Variants in AAAS observed in about 807,000 individuals in gnomAD.
The protein encoded by AAAS is aladin WD repeat nucleoporin.
In AAAS, 60 loss-of-function variants were observed where a neutral mutation model predicts 75.6. That is an observed-to-expected ratio of 0.79 (90% CI 0.64 to 0.98). The LOEUF (loss-of-function observed/expected upper bound fraction) is 0.98. Among genes scored for constraint, AAAS ranks in the 50% least tolerant of loss-of-function variants. The probability of loss-of-function intolerance (pLI) is 0.00; values close to 1 mark genes in which losing one functional copy is unlikely to be tolerated. For synonymous variants in AAAS, 271 were observed against 265.0 expected, an observed-to-expected ratio of 1.02 and a Z score of -0.22; for missense variants, 658 against 686.9, an observed-to-expected ratio of 0.96 and a Z score of 0.47.
At chr12:53,320,957 T>A in intron 1 of AAAS, 1 of 544,810 alleles carries the variant, frequency 1.8e-6, no homozygotes, top group Non-Finnish European at 3.3e-6. Context: ...CTTTCTTACA[T>A]AGCAAACGCT....
intron 2 of AAAS, among the ~76,000 whole-genome samples, chr12:53,318,852 T>C (rs1156741658): frequency 6.6e-6 from 1 of 152,062 alleles, no homozygotes; most frequent in Non-Finnish European, 1.5e-5. Context: ...TTAAGGGACA[T>C]CAGGAAGAGG....
In AAAS at chr12:53,309,158, G is replaced by C. The variant is rs121918547; in HGVS notation, c.934C>G (p.Arg312Gly). The change falls in exon 9 of 16, where the codon CGA becomes GGA. Residue 312 changes from arginine to glycine, a missense_variant and splice_region_variant. Coordinates refer to ENST00000209873, the MANE Select transcript of AAAS (RefSeq NM_015665.6). ...TCCCTCCATCCTTGTCCCACTCACC[G>C]AAAGACAGCTGAAGGAGTGGTAGCC... The part of the protein sequence containing the change: ...ILATTPSAVF[R>G]VWEAQMWTCE... 1.9e-6 allele frequency: 3 copies of C among 1,614,144 alleles called. No homozygotes were observed. Among genetic ancestry groups the C allele is most frequent in the South Asian group, 1.1e-5 (1 of 91,078 alleles).
At position 53,307,648 on chromosome 12, in the gene AAAS, A is replaced by G; in HGVS notation, c.1482T>C (p.Phe494=). The change falls in exon 16 of 16, where the codon TTT becomes TTC. Residue 494 remains phenylalanine, a synonymous_variant. Transcript: ENST00000209873. Reference sequence around the variant, plus strand: ...CCTGGGCCCGCCCAAGCACTGGGCTAAAACGTGGAAACTGGGCATTGACAA... The same window carrying G: ...CCTGGGCCCGCCCAAGCACTGGGCTGAAACGTGGAAACTGGGCATTGACAA... ...LYFVNAQFPR[F]SPVLGRAQEP... The G allele has an allele frequency of 6.2e-7, 1 of 1,614,208 alleles. No homozygotes were observed. The highest frequency in any genetic ancestry group is 2.2e-5 in the East Asian group (1 of 44,884).
At chr12:53,321,103 A>T in intron 1 of AAAS, 1 of 606,764 alleles carries the variant, frequency 1.6e-6, no homozygotes, top group Non-Finnish European at 2.8e-6. Context: ...CACTCCCTAG[A>T]TTCTCCCTCA....
Position 53,318,245 on chromosome 12 carries a change from C to CGTGT in AAAS, c.251+2316_251+2319dup, listed in dbSNP as rs1165918605. On this transcript the variant is annotated intron_variant, in intron 2 of 15. Coordinates refer to ENST00000209873, the MANE Select transcript of AAAS (RefSeq NM_015665.6). The stretch of plus-strand genomic sequence containing the variant: ...TTCAGTGTGTGTGTGTGTGTGTGTG[C>CGTGT]GTGTGTGTGTGTGTGTGTGTGTGTG... 5.8e-3 allele frequency among the ~76,000 whole-genome samples: 459 copies of CGTGT among 78,914 alleles called. 4 individuals carry two copies. The highest frequency in any genetic ancestry group is 7.5e-3 in the Non-Finnish European group (220 of 29,190). 51.8% of individuals were successfully genotyped at this position (78,914 alleles called of 152,430 possible). A position where few individuals can be genotyped will look rare whatever the true frequency, so the allele number is the denominator to read the frequency against.
chr12:53,309,777 A>T, intron 7 of AAAS, 56 bp from the exon 8 acceptor site: 1 of 1,598,078 alleles, frequency 6.3e-7, no homozygotes, highest in African/African-American at 1.3e-5. Flanking sequence ...CCATCCCCAA[A>T]ATTCTATTTC....
intron 7 of AAAS, 109 bp from the exon 8 acceptor site, chr12:53,309,830 G>C: frequency 6.7e-7 from 1 of 1,498,324 alleles, no homozygotes; most frequent in Non-Finnish European, 9.1e-7. Context: ...GCCCACTCTG[G>C]GCTCAAATCC....
intron 2 of AAAS, among the ~76,000 whole-genome samples, chr12:53,317,730 A>G (rs1944486266): frequency 6.6e-6 from 1 of 151,850 alleles, no homozygotes; most frequent in Non-Finnish European, 1.5e-5. Flanking sequence ...TGACAAAGTG[A>G]GACTCTGTCT....
At chr12:53,308,640 C>G (rs1422237207) in intron 11 of AAAS, 85 bp downstream of exon 11, 10 of 1,597,076 alleles carry the variant, frequency 6.3e-6, no homozygotes, top group Non-Finnish European at 8.6e-6. Flanking sequence ...TTCTATATTT[C>G]CCTTTATCCC....
In AAAS at chr12:53,314,559, G is replaced by A. The variant is rs1373073730; in HGVS notation, c.546-118C>T. On this transcript the variant is annotated intron_variant, in intron 6 of 15. Coordinates refer to ENST00000209873, the MANE Select transcript of AAAS (RefSeq NM_015665.6). ...AGGATGATCCATCCAGGGGCCAGGG[G>A]CACCATAGGACAGGAGGGGATAAAG... 9 of 1,469,190 alleles carry A rather than the reference G, an allele frequency of 6.1e-6. No homozygotes were observed. The Admixed American group carries it at 1.1e-4, about 18-fold the overall frequency. The allele number at this position is 1,469,190 out of a possible 1,614,324, so 91.0% of individuals were successfully genotyped here. A position where few individuals can be genotyped will look rare whatever the true frequency, so the allele number is the denominator to read the frequency against.
At chr12:53,310,072 G>A (rs993242527) in intron 7 of AAAS, among the ~76,000 whole-genome samples, 9 of 152,104 alleles carry the variant, frequency 5.9e-5, no homozygotes, top group Admixed American at 1.3e-4. Flanking sequence ...ACAGCTCTCT[G>A]CCCACAGGCC....
Position 53,307,640 on chromosome 12 carries a change from A to T in AAAS, c.1490T>A (p.Val497Glu). 1 of 1,614,204 alleles carries T rather than the reference A, an allele frequency of 6.2e-7. No individual in the cohort carries two copies. Among genetic ancestry groups the T allele is most frequent in the South Asian group, 1.1e-5 (1 of 91,088 alleles). The change falls in exon 16 of 16, where the codon GTG becomes GAG. Residue 497 changes from valine (V) to glutamate (E), a missense_variant. Val to Glu is a moderately radical substitution (Grantham distance 121, BLOSUM62 -2). Coordinates refer to ENST00000209873, the MANE Select transcript of AAAS (RefSeq NM_015665.6). ...VNAQFPRFSPVLGRAQEPPAG... is the reference protein window; with the variant it reads ...VNAQFPRFSPELGRAQEPPAG... ...AGGGGGTTCCTGGGCCCGCCCAAGC[A>T]CTGGGCTAAAACGTGGAAACTGGGC...
At chr12:53,308,554 TTC>T (rs1460909866) in intron 11 of AAAS, 26 bp from the exon 12 acceptor site, 1 of 1,613,434 alleles carries the variant, frequency 6.2e-7, no homozygotes, top group Admixed American at 1.7e-5. Flanking sequence ...AGCAGAGAGG[TTC>T]TTGCAAGAAA....
At chr12:53,320,491 C>A in intron 2 of AAAS, 74 bp downstream of exon 2, 1 of 1,604,682 alleles carries the variant, frequency 6.2e-7, no homozygotes, top group Non-Finnish European at 8.5e-7. Context: ...AAGAACACCC[C>A]AAGGTAAAGG....
chr12:53,315,663 A>G (rs922127958), intron 3 of AAAS, 64 bp downstream of exon 3: 54 of 1,575,572 alleles, frequency 3.4e-5, no homozygotes, highest in South Asian at 1.5e-4. Context: ...GTCGGGGGTG[A>G]GTTCAAGAAT....
At chr12:53,315,665 T>C in intron 3 of AAAS, 62 bp downstream of exon 3, 2 of 1,584,670 alleles carry the variant, frequency 1.3e-6, no homozygotes. Context: ...CGGGGGTGAG[T>C]TCAAGAATAT....
intron 7 of AAAS, among the ~76,000 whole-genome samples, chr12:53,310,754 G>A (rs1231628076): frequency 6.6e-6 from 1 of 152,172 alleles, no homozygotes; most frequent in Non-Finnish European, 1.5e-5. Context: ...CTCCAGTGAA[G>A]TCTTAGTCAT....
chr12:53,314,188 G>T, intron 7 of AAAS, 110 bp downstream of exon 7: 1 of 1,464,724 alleles, frequency 6.8e-7, no homozygotes, highest in Non-Finnish European at 9.6e-7. Flanking sequence ...CCATAGCCCT[G>T]GGAAGTGCTG....
rs1432533457 is a variant in AAAS at position 53,320,805 on chromosome 12, T to G, written c.124-113A>C. 4.0e-6 allele frequency: 5 copies of G among 1,254,146 alleles called. No individual in the cohort carries two copies. The Admixed American group carries it at 7.8e-5, about 20-fold the overall frequency. The allele number at this position is 1,254,146 out of a possible 1,614,324, so 77.7% of individuals were successfully genotyped here. On this transcript the variant is annotated intron_variant, in intron 1 of 15. Coordinates refer to ENST00000209873, the MANE Select transcript of AAAS (RefSeq NM_015665.6). The stretch of plus-strand genomic sequence containing the variant: ...AAGTATAAGAGATTCCAGAGGTCTG[T>G]TTCCCATTTCCACAAAGCTAACACT...
Sources: gnomAD v4.1 joint callset for allele counts (sites outside exome capture counted in the v4.1 genomes callset) on GRCh38, gnomAD v4.1.1 for gene constraint, MANE v1.5 for transcripts, NCBI Gene and HGNC (gene_info 2026-07-23, HGNC 2026-07-21) for gene names.